ZBTB10: variants seen among roughly 807,000 people sequenced by gnomAD.
ZBTB10 encodes zinc finger and BTB domain-containing protein 10.
A neutral mutation model predicts 76.4 loss-of-function variants in ZBTB10; 32 were observed. The ratio of observed to expected loss-of-function variants is 0.42; its 90% CI spans 0.32 to 0.56. The LOEUF (loss-of-function observed/expected upper bound fraction) is 0.56, where lower values mean the gene tolerates loss of function less well. Ranked by LOEUF, ZBTB10 falls within the 20% of genes least tolerant of loss-of-function variation. The pLI, the probability that ZBTB10 is intolerant of heterozygous loss-of-function variation, is 0.14. For synonymous variants in ZBTB10, 523 were observed against 432.9 expected, an observed-to-expected ratio of 1.21 and a Z score of -2.58; for missense variants, 1,057 against 1,098.5, an observed-to-expected ratio of 0.96 and a Z score of 0.53.
At chr8:80,497,164 C>T (rs1343852336) in intron 1 of ZBTB10, among the ~76,000 whole-genome samples, 1 of 152,008 alleles carries the variant, frequency 6.6e-6, no homozygotes, top group Non-Finnish European at 1.5e-5. Context: ...TCACACAAGT[C>T]CTAAATTGTT....
intron 2 of ZBTB10, among the ~76,000 whole-genome samples, chr8:80,510,657 T>G (rs1393927347): frequency 1.3e-5 from 2 of 151,632 alleles, no homozygotes; most frequent in African/African-American, 2.4e-5. Context: ...TGTGTGTGTG[T>G]GTGTGTGTGT....
At chr8:80,498,841 C>T (rs944954019) in intron 1 of ZBTB10, among the ~76,000 whole-genome samples, 1 of 152,050 alleles carries the variant, frequency 6.6e-6, no homozygotes, top group Non-Finnish European at 1.5e-5. Context: ...TTTAATTTAC[C>T]TTACAGTTTA....
rs1293586021 is a variant in ZBTB10, at chr8:80,524,605, C to G, written c.*5077C>G. 6.6e-6 allele frequency: 1 copy of G among 151,988 alleles called. No homozygotes were observed. The highest frequency in any genetic ancestry group is 1.5e-5 in the Non-Finnish European group (1 of 67,930). The allele number at this position is 151,988 out of a possible 1,614,324, so 9.4% of individuals were successfully genotyped here. On this transcript the variant is annotated 3_prime_UTR_variant, in exon 6 of 6. Transcript: ENST00000455036. ...GAACTGGCCAGATATTCAGACTTGACTTAGAAAAACAGGAGTTTGTTGATT... is the reference window on the plus strand; with the variant it reads ...GAACTGGCCAGATATTCAGACTTGAGTTAGAAAAACAGGAGTTTGTTGATT...
At position 80,495,248 on chromosome 8, in the gene ZBTB10, C is replaced by T. The variant is rs140686104; in HGVS notation, c.973-4246C>T. On this transcript the variant is annotated intron_variant, in intron 1 of 5. Transcript: ENST00000455036. Reference sequence around the variant, plus strand: ...CAAAGTGCTGAGATTACATGGCGCTCTTGTCAAAATGGATGGACATTTACC... The same window carrying T: ...CAAAGTGCTGAGATTACATGGCGCTTTTGTCAAAATGGATGGACATTTACC... 1.4e-4 allele frequency among the ~76,000 whole-genome samples: 21 copies of T among 151,826 alleles called. No individual in the cohort carries two copies. In the East Asian group the frequency reaches 3.5e-3, roughly 25 times the overall value.
At position 80,500,246 on chromosome 8, in the gene ZBTB10, G is replaced by A; in HGVS notation, c.1725G>A (p.Arg575=). 2 of 1,589,718 alleles carry A rather than the reference G, an allele frequency of 1.3e-6. No homozygotes were observed. Among genetic ancestry groups the A allele is most frequent in the East Asian group, 2.3e-5 (1 of 43,708 alleles). The change falls in exon 2 of 6, where the codon AGG becomes AGA. Residue 575 remains arginine, a synonymous_variant. Coordinates refer to ENST00000455036, the MANE Select transcript of ZBTB10 (RefSeq NM_001105539.3). The stretch of plus-strand genomic sequence containing the variant: ...GAATTCAAGAGACTGGCAAAACAAG[G>A]AGGAAAAACCAAACTACAAAAAGAT... ...SQGIQETGKT[R]RKNQTTKRFI... is the part of the protein sequence containing the mutation.
At chr8:80,515,315 A>G (rs1816299721) in intron 3 of ZBTB10, among the ~76,000 whole-genome samples, 1 of 152,196 alleles carries the variant, frequency 6.6e-6, no homozygotes, top group Non-Finnish European at 1.5e-5. Flanking sequence ...TAGCTTTGGA[A>G]TTCTTTTCAA....
In ZBTB10 at chr8:80,520,002, C is replaced by T. The variant is rs557309642; in HGVS notation, c.*474C>T. On this transcript the variant is annotated 3_prime_UTR_variant, in exon 6 of 6. Transcript: ENST00000455036. ...TTTATTAATTTTATTTTTTTTAATA[C>T]AGATTTTCAGTGAGGGGCTTTTTCA... 2 of 152,050 alleles carry T rather than the reference C, an allele frequency of 1.3e-5. No individual in the cohort carries two copies. The highest frequency in any genetic ancestry group is 4.2e-4 in the South Asian group (2 of 4,814). 9.4% of individuals were successfully genotyped at this position (152,050 alleles called of 1,614,324 possible). A position where few individuals can be genotyped will look rare whatever the true frequency, so the allele number is the denominator to read the frequency against.
At position 80,525,482 on chromosome 8, in the gene ZBTB10, T is replaced by C. The variant is rs966759189; in HGVS notation, c.*5954T>C. On this transcript the variant is annotated 3_prime_UTR_variant, in exon 6 of 6. Coordinates refer to ENST00000455036, the MANE Select transcript of ZBTB10 (RefSeq NM_001105539.3). ...AAGTAGGTATGTGTTAGAATCTTGG[T>C]GAAAGATAAACACAAGACAGTCTTC... The C allele has an allele frequency of 1.3e-5, 2 of 152,130 alleles. No individual in the cohort carries two copies. Among genetic ancestry groups the C allele is most frequent in the African/African-American group, 4.8e-5 (2 of 41,430 alleles). 9.4% of individuals were successfully genotyped at this position (152,130 alleles called of 1,614,324 possible).
chr8:80,486,515 C>T lies in ZBTB10; in HGVS notation c.-296C>T, dbSNP rs1815457608. ...TGCAGGCTCGCTCCTCACCTCTCCGCCGCCCGCCCCCTTCTCCGCGCGGGA... is the reference window on the plus strand; with the variant it reads ...TGCAGGCTCGCTCCTCACCTCTCCGTCGCCCGCCCCCTTCTCCGCGCGGGA... On this transcript the variant is annotated 5_prime_UTR_variant, in exon 1 of 6. Coordinates refer to ENST00000455036, the MANE Select transcript of ZBTB10 (RefSeq NM_001105539.3). 1.2e-5 allele frequency: 12 copies of T among 985,542 alleles called. No individual in the cohort carries two copies. The highest frequency in any genetic ancestry group is 1.4e-5 in the Non-Finnish European group (12 of 830,170). 61.0% of individuals were successfully genotyped at this position (985,542 alleles called of 1,614,324 possible). A position where few individuals can be genotyped will look rare whatever the true frequency, so the allele number is the denominator to read the frequency against.
rs1464258475 is a variant in ZBTB10, at chr8:80,525,153, C to T, written c.*5625C>T. 2.6e-5 allele frequency: 4 copies of T among 151,976 alleles called. No individual in the cohort carries two copies. The highest frequency in any genetic ancestry group is 4.8e-5 in the African/African-American group (2 of 41,378). The allele number at this position is 151,976 out of a possible 1,614,324, so 9.4% of individuals were successfully genotyped here. A position where few individuals can be genotyped will look rare whatever the true frequency, so the allele number is the denominator to read the frequency against. Reference sequence around the variant, plus strand: ...TTCTTTCTTTTTCACCACAAATCACCGCAGACCAGTGTTTGGGAGCAGGTG... The same window carrying T: ...TTCTTTCTTTTTCACCACAAATCACTGCAGACCAGTGTTTGGGAGCAGGTG... On this transcript the variant is annotated 3_prime_UTR_variant, in exon 6 of 6. Transcript: ENST00000455036.
At position 80,514,079 on chromosome 8, in the gene ZBTB10, T is replaced by C. The variant is rs574685351; in HGVS notation, c.1960+71T>C. The C allele has an allele frequency of 6.3e-5, 87 of 1,382,860 alleles. No homozygotes were observed. In the Middle Eastern group the frequency reaches 3.9e-3, roughly 62 times the overall value. 85.7% of individuals were successfully genotyped at this position (1,382,860 alleles called of 1,614,324 possible). The stretch of plus-strand genomic sequence containing the variant: ...GTGTTACATCTTACCTGCAGCCTAG[T>C]GTAATTTCTCTTCCATAAGGGGGTT... On this transcript the variant is annotated intron_variant, in intron 3 of 5. Coordinates refer to ENST00000455036, the MANE Select transcript of ZBTB10 (RefSeq NM_001105539.3).
intron 2 of ZBTB10, among the ~76,000 whole-genome samples, chr8:80,510,659 T>G (rs1461849413): frequency 3.3e-5 from 5 of 151,732 alleles, no homozygotes; most frequent in Non-Finnish European, 5.9e-5. Flanking sequence ...TGTGTGTGTG[T>G]GTGTGTGTGT....
chr8:80,518,324 A>G, intron 3 of ZBTB10, 79 bp from the exon 4 acceptor site: 1 of 1,333,236 alleles, frequency 7.5e-7, no homozygotes, highest in Non-Finnish European at 1.0e-6. Context: ...TAGGATATAA[A>G]TATAATTTCT....
rs1815482146 is a variant in ZBTB10 at position 80,486,963 on chromosome 8, G to A, written c.153G>A (p.Ala51=). The A allele has an allele frequency of 4.6e-6, 7 of 1,511,792 alleles. No homozygotes were observed. Among genetic ancestry groups the A allele is most frequent in the Admixed American group, 2.1e-5 (1 of 47,904 alleles). The allele number at this position is 1,511,792 out of a possible 1,614,324, so 93.6% of individuals were successfully genotyped here. A position where few individuals can be genotyped will look rare whatever the true frequency, so the allele number is the denominator to read the frequency against. The change falls in exon 1 of 6, where the codon GCG becomes GCA. Residue 51 remains alanine (A), a synonymous_variant. Coordinates refer to ENST00000455036, the MANE Select transcript of ZBTB10 (RefSeq NM_001105539.3). ...AGCCGAGACAGCCCCCGCCGCCAGC[G>A]CCGCCCGCGCTTCAGCCGCCTAATG... ...QPQPRQPPPP[A]PPALQPPNGR...
chr8:80,488,396 C>A (rs1815539020), intron 1 of ZBTB10, among the ~76,000 whole-genome samples: 1 of 152,208 alleles, frequency 6.6e-6, no homozygotes, highest in Non-Finnish European at 1.5e-5. Context: ...AACTTTCTTA[C>A]TACGGCTTGG....
chr8:80,521,315 A>T lies in ZBTB10; in HGVS notation c.*1787A>T, dbSNP rs1304370719. The T allele has an allele frequency of 6.6e-6, 1 of 151,882 alleles. No individual in the cohort carries two copies. Among genetic ancestry groups the T allele is most frequent in the Non-Finnish European group, 1.5e-5 (1 of 67,784 alleles). 9.4% of individuals were successfully genotyped at this position (151,882 alleles called of 1,614,324 possible). A position where few individuals can be genotyped will look rare whatever the true frequency, so the allele number is the denominator to read the frequency against. ...TCGGTTTGATTTTTGTTTAAAACAG[A>T]TGAGTACTTCTTAATGTTCTAGACA... On this transcript the variant is annotated 3_prime_UTR_variant, in exon 6 of 6. Transcript: ENST00000455036.
intron 1 of ZBTB10, among the ~76,000 whole-genome samples, chr8:80,492,936 GC>G (rs1205703318): frequency 6.6e-6 from 1 of 151,990 alleles, no homozygotes; most frequent in African/African-American, 2.4e-5. Flanking sequence ...GGAGCCAGGC[GC>G]AGTGAGTGGT....
Position 80,487,530 on chromosome 8 carries a change from G to C in ZBTB10, c.720G>C (p.Lys240Asn). 1.3e-6 allele frequency: 2 copies of C among 1,580,970 alleles called. No homozygotes were observed. The highest frequency in any genetic ancestry group is 1.2e-5 in the South Asian group (1 of 86,822). Residue 240 changes from lysine to asparagine, a missense_variant, in exon 1 of 6, where the codon AAG (lysine) becomes AAC (asparagine). Transcript: ENST00000455036. ...AGCACTTCCCGCTCGCGCGGCCCAA[G>C]TCTCTAATGCAGAAGCTCCAATGCT... ...TVQHFPLARP[K>N]SLMQKLQCSF...
intron 2 of ZBTB10, among the ~76,000 whole-genome samples, chr8:80,505,669 A>G (rs1816031201): frequency 6.6e-6 from 1 of 152,144 alleles, no homozygotes; most frequent in African/African-American, 2.4e-5. Flanking sequence ...AAAGCATACA[A>G]TTTGGTACTT....
Sources: gnomAD v4.1 joint callset for allele counts (sites outside exome capture counted in the v4.1 genomes callset) on GRCh38, gnomAD v4.1.1 for gene constraint, MANE v1.5 for transcripts, NCBI Gene and HGNC (gene_info 2026-07-23, HGNC 2026-07-21) for gene names.